The following KCNG2 variants were observed in gnomAD, a reference collection of about 807,000 sequenced individuals.
KCNG2 encodes the protein potassium voltage-gated channel modifier subfamily G member 2.
KCNG2 carries 7 observed loss-of-function variants against 12.3 expected under a neutral mutation model. That is an observed-to-expected ratio of 0.57 (90% CI 0.32 to 1.07). The LOEUF is 1.07. Ranked by LOEUF, KCNG2 falls within the 50% of genes least tolerant of loss-of-function variation. KCNG2 has a pLI of 0.04. For missense variants in KCNG2, 703 were observed against 726.0 expected (o/e 0.97, Z 0.36); for synonymous variants, 414 against 351.4 (o/e 1.18, Z -1.99).
chr18:79,849,759 G>A (rs1978752202), intron 1 of KCNG2, among the ~76,000 whole-genome samples: 2 of 152,240 alleles, frequency 1.3e-5, no homozygotes, highest in African/African-American at 4.8e-5. Flanking sequence ...GCTGCCGGCC[G>A]CCCTGGGTGG....
rs571108050 is a variant in KCNG2 at position 79,878,607 on chromosome 18, C to T, written c.624+14316C>T. 3.5e-4 allele frequency among the ~76,000 whole-genome samples: 54 copies of T among 152,378 alleles called. 1 individual carries two copies. Among genetic ancestry groups the T allele is most frequent in the African/African-American group, 1.2e-3 (52 of 41,604 alleles). On this transcript the variant is annotated intron_variant, in intron 3 of 3. Coordinates refer to ENST00000316249, the MANE Select transcript of KCNG2 (RefSeq NM_012283.2). ...GCAGTTCCGTAATTTATTCAGCCTG[C>T]TCTCCTTTCATACAGAACATTTAAG...
At chr18:79,823,299 C>G (rs745561523) in intron 1 of KCNG2, among the ~76,000 whole-genome samples, 51 of 152,206 alleles carry the variant, frequency 3.4e-4, no homozygotes, top group Non-Finnish European at 1.5e-4. Flanking sequence ...GCCATCTCCA[C>G]CTGTGCTGCT....
intron 1 of KCNG2, among the ~76,000 whole-genome samples, chr18:79,809,527 G>A (rs28368705): frequency 0.21 from 9,082 of 42,964 alleles, 941 homozygotes; most frequent in Middle Eastern, 0.3. Flanking sequence ...CCGGGGCCGC[G>A]CTGACCACAC....
chr18:79,856,061 G>A (rs1568257657), intron 1 of KCNG2, among the ~76,000 whole-genome samples: 1 of 152,180 alleles, frequency 6.6e-6, no homozygotes, highest in Non-Finnish European at 1.5e-5. Context: ...CAAGTAATTA[G>A]CTTTAGAACA....
At chr18:79,887,913 A>G (rs916008506) in intron 3 of KCNG2, among the ~76,000 whole-genome samples, 1 of 152,192 alleles carries the variant, frequency 6.6e-6, no homozygotes, top group African/African-American at 2.4e-5. Flanking sequence ...AGAAGGCTGC[A>G]GAGGGAGGCG....
chr18:79,871,639 G>A (rs1365827210), intron 3 of KCNG2, among the ~76,000 whole-genome samples: 1 of 152,174 alleles, frequency 6.6e-6, no homozygotes, highest in Admixed American at 6.5e-5. Context: ...GGCCCCCCGC[G>A]TCTGGGAGGC....
intron 1 of KCNG2, among the ~76,000 whole-genome samples, chr18:79,813,433 C>A (rs1038427573): frequency 6.6e-6 from 1 of 152,194 alleles, no homozygotes; most frequent in Non-Finnish European, 1.5e-5. Context: ...ACAATAAAAA[C>A]TCCCAGAAAA....
In KCNG2 at chr18:79,897,526, C is replaced by T. The variant is rs868539702; in HGVS notation, c.625-1514C>T. On this transcript the variant is annotated intron_variant, in intron 3 of 3. Transcript: ENST00000316249. ...ATATTGATAGTGGCTGCTTTGAAAT[C>T]TCATTCAGTTAAATTTGACATTTGG... Among the ~76,000 whole-genome samples the T allele has an allele frequency of 2.6e-5, 4 of 152,188 alleles. No individual in the cohort carries two copies. In the South Asian group the frequency reaches 8.3e-4, roughly 32 times the overall value.
intron 1 of KCNG2, among the ~76,000 whole-genome samples, chr18:79,809,518 C>G (rs2087476610): frequency 1.0e-5 from 1 of 97,052 alleles, no homozygotes; most frequent in Non-Finnish European, 2.2e-5. Context: ...GAGGAGCTGC[C>G]GGGGCCGCGC....
intron 1 of KCNG2, among the ~76,000 whole-genome samples, chr18:79,828,631 A>C (rs1358528616): frequency 6.7e-6 from 1 of 148,570 alleles, no homozygotes; most frequent in Non-Finnish European, 1.5e-5. Flanking sequence ...TGATGTGTTC[A>C]TGTGTCTGTG....
At chr18:79,825,309 G>C (rs976552301) in intron 1 of KCNG2, among the ~76,000 whole-genome samples, 1 of 152,092 alleles carries the variant, frequency 6.6e-6, no homozygotes, top group African/African-American at 2.4e-5. Flanking sequence ...TAATAATGTG[G>C]CTTTAAAAAA....
intron 3 of KCNG2, among the ~76,000 whole-genome samples, chr18:79,865,355 G>C (rs1165171702): frequency 7.6e-6 from 1 of 132,374 alleles, no homozygotes; most frequent in Admixed American, 7.3e-5. Flanking sequence ...TCTGGGTGCT[G>C]AGAGGTCTGT....
At chr18:79,848,032 GGATGGGGT>G (rs1978682500) in intron 1 of KCNG2, among the ~76,000 whole-genome samples, 1 of 152,186 alleles carries the variant, frequency 6.6e-6, no homozygotes, top group African/African-American at 2.4e-5. Context: ...AGGGAGTGAG[GGATGGGGT>G]GCGGTGCATG....
rs144858459 is a variant in KCNG2 at position 79,864,211 on chromosome 18, G to T, written c.544G>T (p.Val182Leu). The T allele has an allele frequency of 6.5e-7, 1 of 1,545,996 alleles. No individual in the cohort carries two copies. Among genetic ancestry groups the T allele is most frequent in the Non-Finnish European group, 8.7e-7 (1 of 1,150,402 alleles). ...GCTGGCGGGCAAGCTCTTCGCCTGC[G>T]TGTCCGTGTCCTTCGTGGCCGTCAC... ...SGLAGKLFAC[V>L]SVSFVAVTAV... The change falls in exon 3 of 4, where the codon GTG becomes TTG. Residue 182 changes from valine to leucine, a missense_variant. Transcript: ENST00000316249.
chr18:79,898,920 G>A (rs998419038), intron 3 of KCNG2, 120 bp from the exon 4 acceptor site: 7 of 702,538 alleles, frequency 1.0e-5, no homozygotes, highest in African/African-American at 3.8e-5. Context: ...ACCCGCTTCC[G>A]TGGGTTGGGG....
intron 1 of KCNG2, among the ~76,000 whole-genome samples, chr18:79,810,610 A>G (rs977730677): frequency 1.3e-5 from 2 of 152,142 alleles, no homozygotes; most frequent in African/African-American, 4.8e-5. Context: ...TCTAAAAAAA[A>G]AGAATTAACC....
chr18:79,857,982 A>G (rs148743996), intron 2 of KCNG2, among the ~76,000 whole-genome samples: 67 of 152,050 alleles, frequency 4.4e-4, no homozygotes, highest in African/African-American at 1.4e-3. Context: ...CTGTGAATTT[A>G]CTTATCATGG....
At chr18:79,830,067 T>A (rs910819406) in intron 1 of KCNG2, among the ~76,000 whole-genome samples, 1 of 152,110 alleles carries the variant, frequency 6.6e-6, no homozygotes. Flanking sequence ...TAGAAAGTGT[T>A]CCCCCTGAAG....
At chr18:79,798,856 A>T (rs1278184998) in intron 1 of KCNG2, among the ~76,000 whole-genome samples, 1 of 152,136 alleles carries the variant, frequency 6.6e-6, no homozygotes, top group African/African-American at 2.4e-5. Flanking sequence ...CGCGTCCCGA[A>T]CGTTCCCCTA....
Sources: gnomAD v4.1 joint callset for allele counts (sites outside exome capture counted in the v4.1 genomes callset) on GRCh38, gnomAD v4.1.1 for gene constraint, MANE v1.5 for transcripts, NCBI Gene and HGNC (gene_info 2026-07-23, HGNC 2026-07-21) for gene names.